The following SEMA6D variants were observed in gnomAD, a reference collection of about 807,000 sequenced individuals.
SEMA6D encodes the protein semaphorin-6D.
Under a neutral mutation model 106.6 loss-of-function variants are expected in SEMA6D, and 35 were observed. The observed-to-expected ratio is 0.33, with a 90% CI of 0.25 to 0.44. The LOEUF (loss-of-function observed/expected upper bound fraction) is 0.44. Ranked by LOEUF, SEMA6D falls within the 20% of genes least tolerant of loss-of-function variation. The pLI, the probability that SEMA6D is intolerant of heterozygous loss-of-function variation, is 1.00. For missense variants in SEMA6D, 1,185 were observed against 1,345.9 expected (o/e 0.88, Z 1.87); for synonymous variants, 499 against 487.7 (o/e 1.02, Z -0.31).
intron 3 of SEMA6D, among the ~76,000 whole-genome samples, chr15:47,589,328 C>A (rs981382390): frequency 6.6e-6 from 1 of 152,252 alleles, no homozygotes; most frequent in African/African-American, 2.4e-5. Flanking sequence ...GGGGGCATGT[C>A]TCCACCATGC....
intron 4 of SEMA6D, among the ~76,000 whole-genome samples, chr15:47,603,690 T>G (rs1456903542): frequency 6.6e-6 from 1 of 152,052 alleles, no homozygotes; most frequent in East Asian, 1.9e-4. Context: ...TGAGGGAATA[T>G]ATATAATTAT....
intron 1 of SEMA6D, among the ~76,000 whole-genome samples, chr15:47,370,618 G>GTGGATCACT (rs963670550): frequency 1.9e-4 from 29 of 151,052 alleles, no homozygotes; most frequent in Non-Finnish European, 3.8e-4. Flanking sequence ...GCCAAGGTGG[G>GTGGATCACT]TGGATCACTT....
intron 3 of SEMA6D, among the ~76,000 whole-genome samples, chr15:47,560,427 A>G (rs1167304817): frequency 1.3e-5 from 2 of 152,086 alleles, no homozygotes; most frequent in Non-Finnish European, 2.9e-5. Flanking sequence ...TATCTGAAGT[A>G]AAAAAGAAAA....
chr15:47,731,752 A>G (rs1011706602), intron 1 of SEMA6D, among the ~76,000 whole-genome samples: 1 of 152,204 alleles, frequency 6.6e-6, no homozygotes, highest in African/African-American at 2.4e-5. Context: ...TCCATCAAAG[A>G]TTCAAAATAT....
At chr15:47,184,850 C>G (rs1209189898) in intron 1 of SEMA6D, among the ~76,000 whole-genome samples, 1 of 152,252 alleles carries the variant, frequency 6.6e-6, no homozygotes, top group Admixed American at 6.5e-5. Context: ...GGTCGGCAGC[C>G]GGCTGAACCG....
rs1026850172 is a variant in SEMA6D at position 47,756,335 on chromosome 15, C to CT, written c.-54-3399dup. ...GTACAAGATGAAGGAATGAACATTGCTTTTTTTTTTTCCACCTTTTTGCCA... is the reference window on the plus strand; with the variant it reads ...GTACAAGATGAAGGAATGAACATTGCTTTTTTTTTTTTCCACCTTTTTGCCA... On this transcript the variant is annotated intron_variant, in intron 1 of 18. Coordinates refer to ENST00000536845, the MANE Select transcript of SEMA6D (RefSeq NM_001358351.3). Among the ~76,000 whole-genome samples, 204 of 145,822 alleles carry CT rather than the reference C, an allele frequency of 1.4e-3. 1 individual carries two copies. Among genetic ancestry groups the CT allele is most frequent in the Non-Finnish European group, 1.3e-3 (88 of 66,104 alleles).
intron 2 of SEMA6D, among the ~76,000 whole-genome samples, chr15:47,470,031 C>T (rs551572078): frequency 6.6e-6 from 1 of 151,912 alleles, no homozygotes; most frequent in African/African-American, 2.4e-5. Flanking sequence ...AAAAAAAACC[C>T]TATTAATAAA....
chr15:47,410,227 G>T (rs531466168), intron 1 of SEMA6D, among the ~76,000 whole-genome samples: 3 of 151,836 alleles, frequency 2.0e-5, no homozygotes, highest in Non-Finnish European at 4.4e-5. Context: ...CAAGGGATCC[G>T]CTTGCCTTGG....
rs377551015 is a variant in SEMA6D at position 47,343,392 on chromosome 15, G to A, written c.-238-69001G>A. On this transcript the variant is annotated intron_variant, in intron 1 of 19. Coordinates refer to the SEMA6D transcript ENST00000558014. ...TTTAGCGTTAGGTATATCTCCTAAT[G>A]CTATCCCTCCCCACTCCCCCCACCC... 2.2e-4 allele frequency among the ~76,000 whole-genome samples: 33 copies of A among 151,858 alleles called. No individual in the cohort carries two copies. The East Asian group carries it at 5.6e-3, about 26-fold the overall frequency.
chr15:47,583,934 AT>A (rs1248144626), intron 3 of SEMA6D, among the ~76,000 whole-genome samples: 2 of 152,144 alleles, frequency 1.3e-5, no homozygotes, highest in Non-Finnish European at 2.9e-5. Flanking sequence ...TTAGGACACA[AT>A]GAGCAAGTGC....
At chr15:47,468,450 G>T (rs181957401) in intron 2 of SEMA6D, among the ~76,000 whole-genome samples, 1 of 152,242 alleles carries the variant, frequency 6.6e-6, no homozygotes, top group Non-Finnish European at 1.5e-5. Flanking sequence ...AGTATAAGTG[G>T]GTGAAAGCTC....
chr15:47,753,195 C>T (rs1026821337), intron 1 of SEMA6D, among the ~76,000 whole-genome samples: 4 of 152,032 alleles, frequency 2.6e-5, no homozygotes, highest in Non-Finnish European at 4.4e-5. Context: ...GGGAAATTTA[C>T]ATTTATGGAT....
chr15:47,446,897 A>G lies in SEMA6D; in HGVS notation c.-158-23577A>G, dbSNP rs192064087. Among the ~76,000 whole-genome samples, 34 of 152,254 alleles carry G rather than the reference A, an allele frequency of 2.2e-4. No homozygotes were observed. The East Asian group carries it at 6.0e-3, about 27-fold the overall frequency. On this transcript the variant is annotated intron_variant, in intron 2 of 19. Transcript: ENST00000558014. ...AGATAAGGTGAGTTCAGCAGGTCCAATGCATTATAAAATGTATTTCTCCTC... is the reference window on the plus strand; with the variant it reads ...AGATAAGGTGAGTTCAGCAGGTCCAGTGCATTATAAAATGTATTTCTCCTC...
chr15:47,358,179 A>G (rs2038664084), intron 1 of SEMA6D, among the ~76,000 whole-genome samples: 1 of 152,166 alleles, frequency 6.6e-6, no homozygotes, highest in South Asian at 2.1e-4. Flanking sequence ...TGTGGCTACC[A>G]TATGTGAATG....
chr15:47,325,168 T>C (rs1214459587), intron 1 of SEMA6D, among the ~76,000 whole-genome samples: 1 of 150,800 alleles, frequency 6.6e-6, no homozygotes, highest in Non-Finnish European at 1.5e-5. Context: ...CGTTTTTTTT[T>C]TGTTTTTTGT....
intron 3 of SEMA6D, among the ~76,000 whole-genome samples, chr15:47,570,037 G>T (rs1006559436): frequency 1.0e-4 from 5 of 49,970 alleles, no homozygotes; most frequent in Non-Finnish European, 2.7e-4. Context: ...CTCCCAGCCC[G>T]GGCAACAGAG....
At chr15:47,769,508 T>C (rs2082522164) in intron 18 of SEMA6D, among the ~76,000 whole-genome samples, 1 of 152,170 alleles carries the variant, frequency 6.6e-6, no homozygotes, top group African/African-American at 2.4e-5. Flanking sequence ...TTTCTACTTT[T>C]CTTTCTCGGT....
chr15:47,315,295 T>C (rs2036620762), intron 1 of SEMA6D, among the ~76,000 whole-genome samples: 2 of 152,232 alleles, frequency 1.3e-5, no homozygotes, highest in African/African-American at 4.8e-5. Context: ...TGTGTCTAGA[T>C]TCATTTATTT....
intron 1 of SEMA6D, chr15:47,339,155 C>A (rs1448116484): frequency 6.6e-6 from 1 of 152,120 alleles, no homozygotes; most frequent in African/African-American, 2.4e-5. Flanking sequence ...TAGCTCCATG[C>A]TGCTTCCCCC....
Sources: allele counts gnomAD v4.1 joint callset (sites outside exome capture counted in the v4.1 genomes callset), GRCh38; gene constraint gnomAD v4.1.1; transcripts MANE v1.5; gene names NCBI Gene and HGNC (gene_info 2026-07-23, HGNC 2026-07-21).